The following ADAMTSL1 variants were observed in gnomAD, a reference collection of about 807,000 sequenced individuals.
ADAMTSL1 encodes ADAMTS like 1.
A neutral mutation model predicts 201.8 loss-of-function variants in ADAMTSL1; 126 were observed. That is an observed-to-expected ratio of 0.62 (90% CI 0.54 to 0.72). The LOEUF is 0.72. ADAMTSL1 is among the 30% of genes least tolerant of loss of function. The pLI, the probability that ADAMTSL1 is intolerant of heterozygous loss-of-function variation, is 0.00. For missense variants in ADAMTSL1, 2,679 were observed against 2,277.8 expected, an observed-to-expected ratio of 1.18 and a Z score of -3.59; for synonymous variants, 1,121 against 903.4, an observed-to-expected ratio of 1.24 and a Z score of -4.32.
At chr9:18,173,103 A>G (rs1827978275) in intron 2 of ADAMTSL1, among the ~76,000 whole-genome samples, 1 of 152,150 alleles carries the variant, frequency 6.6e-6, no homozygotes. Flanking sequence ...TTAAATGGCT[A>G]GTGGTTGCAC....
intron 26 of ADAMTSL1, among the ~76,000 whole-genome samples, chr9:18,900,257 G>A (rs966819390): frequency 1.3e-5 from 2 of 152,152 alleles, no homozygotes; most frequent in Non-Finnish European, 2.9e-5. Context: ...TCAGAATGGC[G>A]ATTATGAAAA....
At chr9:18,890,413 T>A (rs1382606438) in intron 25 of ADAMTSL1, 1 of 427,116 alleles carries the variant, frequency 2.3e-6, no homozygotes, top group African/African-American at 2.0e-5. Context: ...AGTAGTTAAA[T>A]GGATAATAGA....
intron 6 of ADAMTSL1, among the ~76,000 whole-genome samples, chr9:18,638,224 T>C (rs559183907): frequency 1.3e-5 from 2 of 152,220 alleles, no homozygotes; most frequent in Non-Finnish European, 2.9e-5. Context: ...TTGTTGATAT[T>C]CTTTGCAATA....
At chr9:18,476,269 T>C (rs938423847) in intron 1 of ADAMTSL1, among the ~76,000 whole-genome samples, 1 of 152,112 alleles carries the variant, frequency 6.6e-6, no homozygotes. Context: ...ACAATAATCA[T>C]ACAGATAAGA....
chr9:18,253,023 G>A (rs1831527690), intron 2 of ADAMTSL1, among the ~76,000 whole-genome samples: 1 of 152,170 alleles, frequency 6.6e-6, no homozygotes, highest in Non-Finnish European at 1.5e-5. Context: ...ATTGTGGCAT[G>A]TCCATACTAT....
At chr9:18,438,072 G>C (rs1819820870) in intron 2 of ADAMTSL1, among the ~76,000 whole-genome samples, 1 of 152,258 alleles carries the variant, frequency 6.6e-6, no homozygotes, top group South Asian at 2.1e-4. Context: ...ACGCGTGCTT[G>C]ATGGTGGTAT....
chr9:18,806,999 A>G (rs1823174281), intron 20 of ADAMTSL1, among the ~76,000 whole-genome samples: 1 of 152,224 alleles, frequency 6.6e-6, no homozygotes, highest in South Asian at 2.1e-4. Flanking sequence ...AACAGGAACT[A>G]TAATCCAAAA....
At chr9:18,770,853 G>A in intron 17 of ADAMTSL1, 72 bp downstream of exon 17, 1 of 1,445,354 alleles carries the variant, frequency 6.9e-7, no homozygotes, top group Non-Finnish European at 9.4e-7. Flanking sequence ...CATATACATA[G>A]AAAAGGCAAG....
chr9:18,143,623 T>C (rs768409833), intron 1 of ADAMTSL1, among the ~76,000 whole-genome samples: 4 of 152,162 alleles, frequency 2.6e-5, no homozygotes, highest in Non-Finnish European at 4.4e-5. Flanking sequence ...GGGTCCCCAT[T>C]CCTGCCTGGT....
At chr9:18,100,362 C>G (rs1824461109) in intron 1 of ADAMTSL1, among the ~76,000 whole-genome samples, 1 of 152,110 alleles carries the variant, frequency 6.6e-6, no homozygotes, top group South Asian at 2.1e-4. Context: ...CTCATTGCAG[C>G]CTGGAACTTC....
chr9:18,028,968 G>C (rs916716927), intron 1 of ADAMTSL1, among the ~76,000 whole-genome samples: 1 of 152,086 alleles, frequency 6.6e-6, no homozygotes, highest in Non-Finnish European at 1.5e-5. Flanking sequence ...CCTTGAAGAG[G>C]TCCTTCACAT....
At chr9:18,771,394 A>G (rs1314270154) in intron 17 of ADAMTSL1, among the ~76,000 whole-genome samples, 2 of 152,224 alleles carry the variant, frequency 1.3e-5, no homozygotes, top group African/African-American at 4.8e-5. Flanking sequence ...CTGCTAAGTT[A>G]GAGACATACC....
At chr9:17,937,340 C>G (rs1827051033) in intron 1 of ADAMTSL1, among the ~76,000 whole-genome samples, 1 of 151,996 alleles carries the variant, frequency 6.6e-6, no homozygotes, top group Non-Finnish European at 1.5e-5. Flanking sequence ...GATCAGCAAT[C>G]AGTACAGAGT....
intron 1 of ADAMTSL1, among the ~76,000 whole-genome samples, chr9:18,014,810 A>T (rs1449088760): frequency 6.6e-6 from 1 of 152,010 alleles, no homozygotes; most frequent in Non-Finnish European, 1.5e-5. Context: ...ATACATCAGA[A>T]CTGTCTTCTC....
intron 23 of ADAMTSL1, among the ~76,000 whole-genome samples, chr9:18,841,868 G>C (rs1416956987): frequency 6.6e-6 from 1 of 152,136 alleles, no homozygotes; most frequent in African/African-American, 2.4e-5. Flanking sequence ...GTATTTCTGT[G>C]GGATCAGTGG....
chr9:18,025,507 A>G (rs942297170), intron 1 of ADAMTSL1, among the ~76,000 whole-genome samples: 1 of 151,880 alleles, frequency 6.6e-6, no homozygotes, highest in Non-Finnish European at 1.5e-5. Flanking sequence ...TTTATTGAAT[A>G]GAGTCCTTTC....
intron 7 of ADAMTSL1, among the ~76,000 whole-genome samples, chr9:18,652,784 G>A (rs956386667): frequency 1.9e-4 from 29 of 152,202 alleles, no homozygotes; most frequent in Admixed American, 6.5e-5. Context: ...ATTGTAAGTT[G>A]AGGAGCATCT....
chr9:18,691,582 G>T (rs1000981895), intron 13 of ADAMTSL1, among the ~76,000 whole-genome samples: 1 of 152,174 alleles, frequency 6.6e-6, no homozygotes, highest in African/African-American at 2.4e-5. Flanking sequence ...TTGGTGAGGG[G>T]TGAGTCTCTG....
intron 2 of ADAMTSL1, among the ~76,000 whole-genome samples, chr9:18,406,470 A>T (rs1028286090): frequency 6.6e-6 from 1 of 151,996 alleles, no homozygotes; most frequent in Admixed American, 6.6e-5. Context: ...CTGGGATTAC[A>T]GGCACACGTC....
Sources: gnomAD v4.1 joint callset for allele counts (sites outside exome capture counted in the v4.1 genomes callset) on GRCh38, gnomAD v4.1.1 for gene constraint, MANE v1.5 for transcripts, NCBI Gene and HGNC (gene_info 2026-07-23, HGNC 2026-07-21) for gene names.